The following HAPLN2 variants were observed in gnomAD, a reference collection of about 807,000 sequenced individuals.
The protein encoded by HAPLN2 is brain link protein-1.
In HAPLN2, 27 loss-of-function variants were observed where a neutral mutation model predicts 29.3. The ratio of observed to expected loss-of-function variants is 0.92; its 90% CI spans 0.68 to 1.27. HAPLN2 has a LOEUF of 1.27. HAPLN2 is among the 50% of genes most tolerant of loss of function. HAPLN2 has a pLI of 0.00. For missense variants in HAPLN2, 454 were observed against 484.3 expected (o/e 0.94, Z 0.59); for synonymous variants, 208 against 211.7 (o/e 0.98, Z 0.15).
the HAPLN2 span, among the ~76,000 whole-genome samples, chr1:156,606,517 G>A: frequency 7.1e-6 from 1 of 141,246 alleles, no homozygotes; most frequent in Non-Finnish European, 1.5e-5. Context: ...GAGTTTTTCT[G>A]TGTTGCTCAG....
rs1253829494 is a variant in HAPLN2, at chr1:156,625,314, G to C, written c.953G>C (p.Gly318Ala). 2 of 1,590,758 alleles carry C rather than the reference G, an allele frequency of 1.3e-6. No homozygotes were observed. The highest frequency in any genetic ancestry group is 2.3e-5 in the South Asian group (2 of 87,548). ...CGCTGCGGGGGGCTCCCGGATCCCGGAGTGCGCAGTTTCGGCTTCCCCAGG... is the reference window on the plus strand; with the variant it reads ...CGCTGCGGGGGGCTCCCGGATCCCGCAGTGCGCAGTTTCGGCTTCCCCAGG... Reference protein sequence around the residue: ...RPRCGGLPDPGVRSFGFPRPQ... With the variant: ...RPRCGGLPDPAVRSFGFPRPQ... Residue 318 changes from glycine to alanine, a missense_variant, in exon 7 of 7, where the codon GGA becomes GCA. Coordinates refer to ENST00000255039, the MANE Select transcript of HAPLN2 (RefSeq NM_021817.3). This position sits in a 1 kb window ranked among gnomAD's most constrained non-coding sequence, Gnocchi z 5.7.
At chr1:156,614,036 C>G in the HAPLN2 span, among the ~76,000 whole-genome samples, 3 of 151,842 alleles carry the variant, frequency 2.0e-5, no homozygotes, top group Non-Finnish European at 4.4e-5. Flanking sequence ...TCTTTCACAG[C>G]AAAGAAGAAC....
At chr1:156,617,794 G>A (rs1678097723), upstream of HAPLN2, among the ~76,000 whole-genome samples, 1 of 151,888 alleles carries the variant, frequency 6.6e-6, no homozygotes, top group Non-Finnish European at 1.5e-5. Context: ...CTGTTTACAG[G>A]GGCAGGTGGA....
the HAPLN2 span, among the ~76,000 whole-genome samples, chr1:156,606,162 G>T: frequency 6.6e-6 from 1 of 152,126 alleles, no homozygotes; most frequent in South Asian, 2.1e-4. Flanking sequence ...TACTCAGGAG[G>T]CAGAGGCCAG....
At chr1:156,618,492 T>A (rs1678117423), upstream of HAPLN2, among the ~76,000 whole-genome samples, 1 of 151,000 alleles carries the variant, frequency 6.6e-6, no homozygotes, top group Non-Finnish European at 1.5e-5. Context: ...AAAAAAATTT[T>A]AAAAAGGCCG....
Position 156,625,562 on chromosome 1 carries a change from G to A in HAPLN2, c.*178G>A. The A allele has an allele frequency of 1.6e-6, 1 of 612,032 alleles. No individual in the cohort carries two copies. Among genetic ancestry groups the A allele is most frequent in the Non-Finnish European group, 2.6e-6 (1 of 386,460 alleles). The allele number at this position is 612,032 out of a possible 1,614,324, so 37.9% of individuals were successfully genotyped here. On this transcript the variant is annotated 3_prime_UTR_variant, in exon 7 of 7. Transcript: ENST00000255039. The surrounding 1 kb of genome is among the most constrained non-coding windows in gnomAD (Gnocchi z 5.7). ...CCCCGGCTGGCCCGGCGGCGGGGAG[G>A]GGAGGCGGGGGCGCCTCCGGCGGCG... is the stretch of plus-strand genomic sequence containing the variant.
the HAPLN2 span, chr1:156,601,504 C>A: frequency 1.3e-6 from 2 of 1,589,256 alleles, no homozygotes; most frequent in South Asian, 1.1e-5. Context: ...TCTAGGCTGT[C>A]GAAACCATAG....
At position 156,625,367 on chromosome 1, in the gene HAPLN2, T is replaced by G; in HGVS notation, c.1006T>G (p.Cys336Gly). 6.3e-7 allele frequency: 1 copy of G among 1,593,730 alleles called. No homozygotes were observed. The highest frequency in any genetic ancestry group is 8.5e-7 in the Non-Finnish European group (1 of 1,169,698). ...CCAACAGGCAGCCTATGGGACCTAC[T>G]GCTACGCCGAGAATTAGGCGCCCAC... is the stretch of plus-strand genomic sequence containing the variant. ...RPQQAAYGTY[C>G]YAEN is the part of the protein sequence containing the mutation. Residue 336 changes from cysteine (C) to glycine (G), a missense_variant, in exon 7 of 7, where the codon TGC (cysteine) becomes GGC (glycine). Cys to Gly is a radical substitution (Grantham distance 159). This residue lies in a region of HAPLN2 where 235 missense variants were observed against 236.9 expected (regional missense o/e 0.99). Transcript: ENST00000255039. This position sits in a 1 kb window ranked among gnomAD's most constrained non-coding sequence, Gnocchi z 5.7.
chr1:156,622,635 C>G (rs1159535483), intron 2 of HAPLN2, among the ~76,000 whole-genome samples: 1 of 152,054 alleles, frequency 6.6e-6, no homozygotes, highest in Admixed American at 6.5e-5. Flanking sequence ...GTCAGGGGAA[C>G]AGTGCAGAGG....
At chr1:156,622,097 C>T (rs897094815) in intron 2 of HAPLN2, among the ~76,000 whole-genome samples, 2 of 151,832 alleles carry the variant, frequency 1.3e-5, no homozygotes, top group Non-Finnish European at 2.9e-5. Flanking sequence ...TATGTGGATA[C>T]ATATTATGTT....
At chr1:156,611,302 C>T in the HAPLN2 span, among the ~76,000 whole-genome samples, 1 of 150,604 alleles carries the variant, frequency 6.6e-6, no homozygotes, top group Non-Finnish European at 1.5e-5. Context: ...CAGTGGCTCA[C>T]GTCTGTAATC....
In HAPLN2 at chr1:156,624,172, C is replaced by G; in HGVS notation, c.439+12C>G. On this transcript the variant is annotated intron_variant, in intron 4 of 6. Transcript: ENST00000255039. ...CTTGAGCTTGGAGGGTGAGGCCCTTCCGCTCCCGCCCCATTCCTGTGTAGC... is the reference window on the plus strand; with the variant it reads ...CTTGAGCTTGGAGGGTGAGGCCCTTGCGCTCCCGCCCCATTCCTGTGTAGC... 6.2e-7 allele frequency: 1 copy of G among 1,607,812 alleles called. No homozygotes were observed. Among genetic ancestry groups the G allele is most frequent in the East Asian group, 2.2e-5 (1 of 44,700 alleles).
chr1:156,605,680 A>C, the HAPLN2 span, among the ~76,000 whole-genome samples: 2 of 151,904 alleles, frequency 1.3e-5, no homozygotes, highest in African/African-American at 4.8e-5. Flanking sequence ...TAGGACTTAC[A>C]CTTCCTGATT....
chr1:156,618,780 A>C (rs1678129869), upstream of HAPLN2, among the ~76,000 whole-genome samples: 2 of 87,694 alleles, frequency 2.3e-5, no homozygotes, highest in East Asian at 7.8e-4. Flanking sequence ...CTCCGTCTCA[A>C]AAAAAAAAAA....
the HAPLN2 span, among the ~76,000 whole-genome samples, chr1:156,609,692 C>G: frequency 6.6e-6 from 1 of 152,062 alleles, no homozygotes; most frequent in African/African-American, 2.4e-5. Flanking sequence ...CATCAATAGG[C>G]ATCTCATTAA....
intron 2 of HAPLN2, among the ~76,000 whole-genome samples, chr1:156,623,088 A>G (rs1297413590): frequency 6.6e-6 from 1 of 151,642 alleles, no homozygotes; most frequent in Admixed American, 6.6e-5. Flanking sequence ...AAAATAAAAA[A>G]GCAGGAGAGT....
At chr1:156,616,683 C>T (rs1288225359), upstream of HAPLN2, among the ~76,000 whole-genome samples, 2 of 152,148 alleles carry the variant, frequency 1.3e-5, no homozygotes, top group Non-Finnish European at 2.9e-5. Flanking sequence ...TCCAAGGAGA[C>T]AGGGGGCTAT....
intron 6 of HAPLN2, 126 bp downstream of exon 6, chr1:156,624,909 G>GGGCCCCCCCCCCCC: frequency 1.0e-6 from 1 of 999,518 alleles, no homozygotes; most frequent in Non-Finnish European, 1.4e-6. Flanking sequence ...CCCCCCATCA[G>GGGCCCCCCCCCCCC]CCCGCCCGCC....
At chr1:156,621,885 G>A (rs1381579464) in intron 2 of HAPLN2, among the ~76,000 whole-genome samples, 2 of 151,626 alleles carry the variant, frequency 1.3e-5, no homozygotes, top group South Asian at 2.1e-4. Context: ...TTTACCGGGA[G>A]GTGGAGCTTG....
Sources: gnomAD v4.1 joint callset for allele counts (sites outside exome capture counted in the v4.1 genomes callset) on GRCh38, gnomAD v4.1.1 for gene constraint, gnomAD v4.1.1 regional missense constraint, Gnocchi (gnomAD v3.1) non-coding constraint, MANE v1.5 for transcripts, NCBI Gene and HGNC (gene_info 2026-07-23, HGNC 2026-07-21) for gene names.